Variants in GRIN2B observed in about 807,000 individuals in gnomAD.
GRIN2B encodes glutamate receptor ionotropic, NMDA 2B.
A neutral mutation model predicts 114.5 loss-of-function variants in GRIN2B; 5 were observed. The ratio of observed to expected loss-of-function variants is 0.04; its 90% CI spans 0.02 to 0.09. The LOEUF (loss-of-function observed/expected upper bound fraction) is 0.09. Among genes scored for constraint, GRIN2B ranks in the 10% least tolerant of loss-of-function variants. The pLI, the probability that GRIN2B is intolerant of heterozygous loss-of-function variation, is 1.00. For missense variants in GRIN2B, 1,108 were observed against 1,943.5 expected (o/e 0.57, Z 8.08); for synonymous variants, 787 against 745.1 (o/e 1.06, Z -0.92).
At chr12:13,712,285 T>C (rs1406105269) in intron 4 of GRIN2B, among the ~76,000 whole-genome samples, 11 of 151,766 alleles carry the variant, frequency 7.2e-5, no homozygotes, top group Non-Finnish European at 1.2e-4. Context: ...TGTTAAATGA[T>C]GAGTTAATGA....
At chr12:13,662,485 G>A (rs1216970970) in intron 5 of GRIN2B, among the ~76,000 whole-genome samples, 1 of 152,134 alleles carries the variant, frequency 6.6e-6, no homozygotes, top group Non-Finnish European at 1.5e-5. Flanking sequence ...GAGTCTGACA[G>A]CCACTGCACC....
chr12:13,785,165 C>T (rs1048451492), intron 3 of GRIN2B, among the ~76,000 whole-genome samples: 15 of 152,176 alleles, frequency 9.9e-5, no homozygotes, highest in Non-Finnish European at 2.1e-4. Flanking sequence ...GTGTCATTTC[C>T]CTGTTCCCAC....
intron 10 of GRIN2B, among the ~76,000 whole-genome samples, chr12:13,588,049 T>A (rs1051015602): frequency 3.9e-5 from 6 of 152,192 alleles, no homozygotes; most frequent in Non-Finnish European, 1.5e-5. Context: ...ACCTACCTAG[T>A]GGGAAGTTAC....
chr12:13,642,281 G>C (rs1949726190), intron 5 of GRIN2B, among the ~76,000 whole-genome samples: 1 of 152,112 alleles, frequency 6.6e-6, no homozygotes, highest in Non-Finnish European at 1.5e-5. Context: ...TCATTATTTT[G>C]ATTATGAAAG....
At chr12:13,889,071 G>A (rs1266451560) in intron 2 of GRIN2B, among the ~76,000 whole-genome samples, 1 of 151,944 alleles carries the variant, frequency 6.6e-6, no homozygotes. Flanking sequence ...TTTTCTTTCT[G>A]TATATCCTCA....
intron 3 of GRIN2B, among the ~76,000 whole-genome samples, chr12:13,835,386 G>A (rs751692146): frequency 2.6e-4 from 39 of 152,270 alleles, no homozygotes; most frequent in Middle Eastern, 3.4e-3. Flanking sequence ...AAGGGAGCAC[G>A]TGCCTGGGAA....
chr12:13,796,647 T>C (rs1864423323), intron 3 of GRIN2B, among the ~76,000 whole-genome samples: 1 of 152,202 alleles, frequency 6.6e-6, no homozygotes, highest in Non-Finnish European at 1.5e-5. Flanking sequence ...AAACAGACTT[T>C]ATGCTGCATA....
intron 5 of GRIN2B, among the ~76,000 whole-genome samples, chr12:13,672,633 G>A (rs556782523): frequency 1.8e-4 from 28 of 152,140 alleles, no homozygotes; most frequent in Non-Finnish European, 3.7e-4. Flanking sequence ...AAGTTGGGGA[G>A]CTACATGGCT....
At chr12:13,755,379 C>T (rs1863559060) in intron 3 of GRIN2B, among the ~76,000 whole-genome samples, 1 of 152,162 alleles carries the variant, frequency 6.6e-6, no homozygotes. Context: ...TATTTGTTCT[C>T]ACAGCTTGAA....
At chr12:13,577,034 A>G (rs1367895804) in intron 10 of GRIN2B, among the ~76,000 whole-genome samples, 6 of 152,208 alleles carry the variant, frequency 3.9e-5, no homozygotes, top group Admixed American at 3.9e-4. Flanking sequence ...TCGTTCCAGT[A>G]GACACAGTGT....
intron 3 of GRIN2B, among the ~76,000 whole-genome samples, chr12:13,756,167 C>A (rs1253756149): frequency 2.0e-5 from 3 of 152,002 alleles, no homozygotes; most frequent in African/African-American, 7.2e-5. Context: ...AGGCGCCCAC[C>A]ACCATGCCAG....
chr12:13,971,727 T>G (rs1012422581), intron 2 of GRIN2B, among the ~76,000 whole-genome samples: 4 of 152,204 alleles, frequency 2.6e-5, no homozygotes, highest in Non-Finnish European at 4.4e-5. Flanking sequence ...CAATAAAGAC[T>G]AAGTGGAACA....
At chr12:13,757,340 G>A (rs916110047) in intron 3 of GRIN2B, among the ~76,000 whole-genome samples, 5 of 152,192 alleles carry the variant, frequency 3.3e-5, no homozygotes, top group African/African-American at 1.2e-4. Flanking sequence ...CTCTAGTCTA[G>A]CTGTAAGTTG....
chr12:13,672,678 C>T (rs1320792327), intron 5 of GRIN2B, among the ~76,000 whole-genome samples: 1 of 152,156 alleles, frequency 6.6e-6, no homozygotes, highest in Non-Finnish European at 1.5e-5. Context: ...ATCTATCTTC[C>T]AAAGTGTTCC....
chr12:13,739,318 G>A (rs1057170386), intron 4 of GRIN2B, among the ~76,000 whole-genome samples: 8 of 138,776 alleles, frequency 5.8e-5, no homozygotes, highest in African/African-American at 2.1e-4. Flanking sequence ...AGGTTGTGGT[G>A]AGCTGAGATT....
chr12:13,818,260 C>A (rs1864867191), intron 3 of GRIN2B, among the ~76,000 whole-genome samples: 2 of 152,096 alleles, frequency 1.3e-5, no homozygotes, highest in South Asian at 4.2e-4. Flanking sequence ...CAGGAAGGAG[C>A]CAGCGACCCA....
intron 3 of GRIN2B, among the ~76,000 whole-genome samples, chr12:13,834,163 T>TGGGACTA (rs2136706413): frequency 6.7e-6 from 1 of 149,122 alleles, no homozygotes; most frequent in East Asian, 2.0e-4. Flanking sequence ...CCTGAGTAGC[T>TGGGACTA]GGGACTACAG....
At chr12:13,601,326 C>T (rs1382334515) in intron 10 of GRIN2B, among the ~76,000 whole-genome samples, 3 of 152,156 alleles carry the variant, frequency 2.0e-5, no homozygotes, top group African/African-American at 7.2e-5. Context: ...TCCATGTCTT[C>T]CTGTGGCTGC....
At chr12:13,817,279 T>G (rs1864842785) in intron 3 of GRIN2B, among the ~76,000 whole-genome samples, 1 of 152,156 alleles carries the variant, frequency 6.6e-6, no homozygotes, top group Non-Finnish European at 1.5e-5. Context: ...GGTGCAGTGG[T>G]CCAGAATCTG....
Sources: gnomAD v4.1 joint callset for allele counts (sites outside exome capture counted in the v4.1 genomes callset) on GRCh38, gnomAD v4.1.1 for gene constraint, MANE v1.5 for transcripts, NCBI Gene and HGNC (gene_info 2026-07-23, HGNC 2026-07-21) for gene names.